Variants in SPATA13 observed in about 807,000 individuals in gnomAD.
The protein encoded by SPATA13 is spermatogenesis-associated protein 13.
In SPATA13, 50 loss-of-function variants were observed where a neutral mutation model predicts 104.0. The observed-to-expected ratio is 0.48, with a 90% CI of 0.38 to 0.61. The LOEUF is 0.61. SPATA13 is among the 20% of genes least tolerant of loss of function. The pLI is 0.00. For missense variants in SPATA13, 1,524 were observed against 1,690.6 expected (o/e 0.90, Z 1.73); for synonymous variants, 606 against 667.5 (o/e 0.91, Z 1.42).
chr13:24,191,501 CTTTTTTTTTTTTTTT>C (rs57437676), intron 1 of SPATA13, among the ~76,000 whole-genome samples: 1 of 67,422 alleles, frequency 1.5e-5, no homozygotes, highest in Non-Finnish European at 2.8e-5. Context: ...ACATTGCTTT[CTTTTTTTTTTTTTTT>C]TTTTTTTTTT....
chr13:24,142,550 T>G (rs1447498507), intron 3 of SPATA13, among the ~76,000 whole-genome samples: 1 of 152,148 alleles, frequency 6.6e-6, no homozygotes, highest in Non-Finnish European at 1.5e-5. Context: ...TGCTGCACCT[T>G]CCCAGTGCAT....
intron 1 of SPATA13, among the ~76,000 whole-genome samples, chr13:24,199,094 G>C (rs2138567295): frequency 6.6e-6 from 1 of 151,730 alleles, no homozygotes; most frequent in East Asian, 1.9e-4. Flanking sequence ...TTATCATGTT[G>C]CTCAGGCTGG....
At chr13:24,017,021 A>C (rs1342422682) in intron 2 of SPATA13, among the ~76,000 whole-genome samples, 2 of 152,186 alleles carry the variant, frequency 1.3e-5, no homozygotes, top group Admixed American at 6.5e-5. Flanking sequence ...GGAAGGCAGG[A>C]GGTAGTGAGG....
intron 12 of SPATA13, 200 bp downstream of exon 12, chr13:24,300,675 A>G (rs1877120122): frequency 1.7e-6 from 1 of 578,322 alleles, no homozygotes; most frequent in South Asian, 2.1e-5. Context: ...GTTTGCTTCC[A>G]TTGGAATGTG....
At chr13:24,095,313 C>A (rs879375893) in intron 3 of SPATA13, among the ~76,000 whole-genome samples, 3 of 152,152 alleles carry the variant, frequency 2.0e-5, no homozygotes, top group Non-Finnish European at 4.4e-5. Flanking sequence ...AAGCCAGTCA[C>A]AAAAGGACAA....
At chr13:24,290,218 T>C (rs1416025164) in intron 8 of SPATA13, among the ~76,000 whole-genome samples, 1 of 152,116 alleles carries the variant, frequency 6.6e-6, no homozygotes, top group Non-Finnish European at 1.5e-5. Context: ...TATGTTGAAA[T>C]GGGCATTTTT....
At chr13:24,082,085 G>A (rs1250375750) in intron 3 of SPATA13, among the ~76,000 whole-genome samples, 1 of 152,216 alleles carries the variant, frequency 6.6e-6, no homozygotes, top group Non-Finnish European at 1.5e-5. Flanking sequence ...TGGAATCATA[G>A]CAAGGATGAT....
At chr13:24,128,150 GA>G (rs1045391986) in intron 3 of SPATA13, among the ~76,000 whole-genome samples, 3 of 152,196 alleles carry the variant, frequency 2.0e-5, no homozygotes, top group African/African-American at 7.2e-5. Flanking sequence ...TTCGGAGGAA[GA>G]AAGCACCTTC....
intron 3 of SPATA13, among the ~76,000 whole-genome samples, chr13:24,077,348 A>G (rs779837417): frequency 2.3e-4 from 35 of 151,860 alleles, no homozygotes; most frequent in Non-Finnish European, 4.3e-4. Flanking sequence ...TACAGGAGCC[A>G]TGTTCTCTGA....
chr13:24,217,261 T>G (rs572115166), intron 1 of SPATA13, among the ~76,000 whole-genome samples: 3 of 152,206 alleles, frequency 2.0e-5, no homozygotes, highest in Non-Finnish European at 2.9e-5. Context: ...AGAAAAACTA[T>G]TCTGAAACTA....
Position 24,286,116 on chromosome 13 carries a change from G to A in SPATA13, c.2302-98G>A. 8.6e-7 allele frequency: 1 copy of A among 1,169,468 alleles called. No homozygotes were observed. Among genetic ancestry groups the A allele is most frequent in the Non-Finnish European group, 1.2e-6 (1 of 827,202 alleles). 72.4% of individuals were successfully genotyped at this position (1,169,468 alleles called of 1,614,324 possible). The stretch of plus-strand genomic sequence containing the variant: ...ATGCCACCAGCATATCCAAGTGAGA[G>A]GATACCAGTGTCACCCTGAGAGAGT... On this transcript the variant is annotated intron_variant, in intron 5 of 12. Transcript: ENST00000382108. The surrounding 1 kb of genome is among the most constrained non-coding windows in gnomAD (Gnocchi z 4.9).
At chr13:24,175,105 T>A (rs550881964) in intron 1 of SPATA13, among the ~76,000 whole-genome samples, 2 of 152,348 alleles carry the variant, frequency 1.3e-5, no homozygotes, top group South Asian at 4.1e-4. Flanking sequence ...CCCTGGGCAC[T>A]GGAAAAGAAT....
intron 2 of SPATA13, among the ~76,000 whole-genome samples, chr13:24,229,580 T>G (rs1469995705): frequency 6.6e-6 from 1 of 152,162 alleles, no homozygotes; most frequent in East Asian, 1.9e-4. Flanking sequence ...TAGATTGACA[T>G]GGCTTTTTAA....
chr13:24,278,606 A>G lies in SPATA13; in HGVS notation c.2165-5529A>G, dbSNP rs1389365944. ...TCTTGCAATTCTATACTGTTTTTCA[A>G]TTTACAGGGTGCTTTCATGTATCAT... On this transcript the variant is annotated intron_variant, in intron 4 of 12. Transcript: ENST00000382108. 39 of 1,442,568 alleles carry G rather than the reference A, an allele frequency of 2.7e-5. No individual in the cohort carries two copies. The Middle Eastern group carries it at 1.5e-3, about 56-fold the overall frequency. The allele number at this position is 1,442,568 out of a possible 1,614,324, so 89.4% of individuals were successfully genotyped here. A position where few individuals can be genotyped will look rare whatever the true frequency, so the allele number is the denominator to read the frequency against.
At chr13:24,118,386 T>C (rs1346463726) in intron 3 of SPATA13, among the ~76,000 whole-genome samples, 1 of 152,196 alleles carries the variant, frequency 6.6e-6, no homozygotes, top group Admixed American at 6.5e-5. Context: ...TACTAGTTAC[T>C]CCTGGCACGT....
chr13:24,083,121 C>T (rs1189102777), intron 3 of SPATA13, among the ~76,000 whole-genome samples: 2 of 150,478 alleles, frequency 1.3e-5, no homozygotes, highest in East Asian at 3.9e-4. Context: ...GGTGGACAGG[C>T]ATTCATTCCA....
At chr13:24,185,956 A>C (rs531490199) in intron 1 of SPATA13, among the ~76,000 whole-genome samples, 1 of 152,164 alleles carries the variant, frequency 6.6e-6, no homozygotes, top group Non-Finnish European at 1.5e-5. Flanking sequence ...GGCAATCTTA[A>C]GGCCAAATTT....
intron 3 of SPATA13, among the ~76,000 whole-genome samples, chr13:24,030,268 G>A (rs927447381): frequency 1.3e-5 from 2 of 152,268 alleles, no homozygotes; most frequent in Admixed American, 1.3e-4. Context: ...GTAATGGCAT[G>A]TGTTCACCAT....
At chr13:24,179,867 T>A (rs2138521535) in intron 1 of SPATA13, among the ~76,000 whole-genome samples, 1 of 152,336 alleles carries the variant, frequency 6.6e-6, no homozygotes, top group South Asian at 2.1e-4. Flanking sequence ...GCTTGCCATT[T>A]TGTTGTTGAG....
Sources: gnomAD v4.1 joint callset for allele counts (sites outside exome capture counted in the v4.1 genomes callset) on GRCh38, gnomAD v4.1.1 for gene constraint, Gnocchi (gnomAD v3.1) non-coding constraint, MANE v1.5 for transcripts, NCBI Gene and HGNC (gene_info 2026-07-23, HGNC 2026-07-21) for gene names.